Variants in CARM1 observed in about 807,000 individuals in gnomAD.
CARM1 encodes histone-arginine methyltransferase CARM1.
In CARM1, 14 loss-of-function variants were observed where a neutral mutation model predicts 72.7. The ratio of observed to expected loss-of-function variants is 0.19; its 90% CI spans 0.13 to 0.30. The LOEUF (loss-of-function observed/expected upper bound fraction) is 0.30. CARM1 is among the 10% of genes least tolerant of loss of function. CARM1 has a pLI of 1.00. For synonymous variants in CARM1, 333 were observed against 345.5 expected (o/e 0.96, Z 0.40); for missense variants, 432 against 833.7 (o/e 0.52, Z 5.93).
rs538950276 is a variant in CARM1 at position 10,920,098 on chromosome 19, C to T, written c.1196+132C>T. ...TTCCAATGGGAGTGAGAGCCTGTCT[C>T]GGAGCAAGAGACTGTTGTGGGTGGG... On this transcript the variant is annotated intron_variant, in intron 10 of 15. Coordinates refer to ENST00000327064, the MANE Select transcript of CARM1 (RefSeq NM_199141.2). This position sits in a 1 kb window ranked among gnomAD's most constrained non-coding sequence, Gnocchi z 5.3. 17 of 732,554 alleles carry T rather than the reference C, an allele frequency of 2.3e-5. No individual in the cohort carries two copies. Among genetic ancestry groups the T allele is most frequent in the East Asian group, 1.3e-4 (5 of 37,622 alleles). 45.4% of individuals were successfully genotyped at this position (732,554 alleles called of 1,614,324 possible).
In CARM1 at chr19:10,920,014, C is replaced by A; in HGVS notation, c.1196+48C>A. On this transcript the variant is annotated intron_variant, in intron 10 of 15. Coordinates refer to ENST00000327064, the MANE Select transcript of CARM1 (RefSeq NM_199141.2). This position sits in a 1 kb window ranked among gnomAD's most constrained non-coding sequence, Gnocchi z 5.3. ...TGCTGCCTCCTCCCCACTCCCAGGGCTTCCTGCAGCTGCAACCTGGCTGGG... is the reference window on the plus strand; with the variant it reads ...TGCTGCCTCCTCCCCACTCCCAGGGATTCCTGCAGCTGCAACCTGGCTGGG... The A allele has an allele frequency of 1.4e-6, 2 of 1,443,576 alleles. No homozygotes were observed. Among genetic ancestry groups the A allele is most frequent in the Non-Finnish European group, 1.9e-6 (2 of 1,028,782 alleles). 89.4% of individuals were successfully genotyped at this position (1,443,576 alleles called of 1,614,324 possible).
chr19:10,913,820 G>A, intron 5 of CARM1, 57 bp from the exon 6 acceptor site: 1 of 1,562,770 alleles, frequency 6.4e-7, no homozygotes, highest in Non-Finnish European at 8.7e-7. Flanking sequence ...GCAGGTCTAG[G>A]GAGGGCCCCA....
In CARM1 at chr19:10,912,134, C is replaced by A; in HGVS notation, c.559-50C>A. On this transcript the variant is annotated intron_variant, in intron 4 of 15. Coordinates refer to ENST00000327064, the MANE Select transcript of CARM1 (RefSeq NM_199141.2). The surrounding 1 kb of genome is among the most constrained non-coding windows in gnomAD (Gnocchi z 4.5). ...TCCCTTATGATCACTGTCACCTCCC[C>A]ATCACCGTCGCCTCCTATGTCTCGC... is the stretch of plus-strand genomic sequence containing the variant. 1 of 1,291,894 alleles carries A rather than the reference C, an allele frequency of 7.7e-7. No homozygotes were observed. The highest frequency in any genetic ancestry group is 1.1e-6 in the Non-Finnish European group (1 of 885,418). The allele number at this position is 1,291,894 out of a possible 1,614,324, so 80.0% of individuals were successfully genotyped here.
intron 1 of CARM1, among the ~76,000 whole-genome samples, chr19:10,873,929 C>G (rs967112172): frequency 2.6e-5 from 4 of 151,956 alleles, no homozygotes; most frequent in East Asian, 1.9e-4. Flanking sequence ...ATGAGCCACC[C>G]CGCCCGGCCA....
chr19:10,918,493 G>A (rs1312259715), intron 8 of CARM1, among the ~76,000 whole-genome samples: 1 of 152,206 alleles, frequency 6.6e-6, no homozygotes, highest in Non-Finnish European at 1.5e-5. Flanking sequence ...AAAGTGCTGG[G>A]ATTATAGGCA....
chr19:10,893,098 C>T (rs1001537928), intron 1 of CARM1, among the ~76,000 whole-genome samples: 4 of 151,500 alleles, frequency 2.6e-5, no homozygotes, highest in Non-Finnish European at 5.9e-5. Flanking sequence ...CTCTTTTTGC[C>T]CAGGTTGGAG....
chr19:10,880,778 A>T (rs1184090992), intron 1 of CARM1, among the ~76,000 whole-genome samples: 2 of 152,176 alleles, frequency 1.3e-5, no homozygotes, highest in East Asian at 3.9e-4. Flanking sequence ...GTGACTGTGG[A>T]TGAGCCTCTG....
At position 10,922,038 on chromosome 19, in the gene CARM1, GTCATC is replaced by G. The variant is rs1386802176; in HGVS notation, c.*283_*287del. 1 of 274,128 alleles carries G rather than the reference GTCATC, an allele frequency of 3.6e-6. No homozygotes were observed. Among genetic ancestry groups the G allele is most frequent in the Non-Finnish European group, 6.8e-6 (1 of 146,194 alleles). 17.0% of individuals were successfully genotyped at this position (274,128 alleles called of 1,614,324 possible). ...GCCCGCTCTACCCTGACCTGGGCTT[GTCATC>G]TGCTGGAACAGGCGCCATGGGGCCT... On this transcript the variant is annotated 3_prime_UTR_variant, in exon 16 of 16. Transcript: ENST00000327064.
intron 1 of CARM1, among the ~76,000 whole-genome samples, chr19:10,889,361 C>T (rs28395321): frequency 6.6e-6 from 1 of 151,394 alleles, no homozygotes; most frequent in African/African-American, 2.4e-5. Flanking sequence ...GTCACCCAGG[C>T]TGGAGTGCAA....
chr19:10,898,820 G>T (rs1568351064), intron 1 of CARM1, among the ~76,000 whole-genome samples: 1 of 152,180 alleles, frequency 6.6e-6, no homozygotes, highest in Non-Finnish European at 1.5e-5. Flanking sequence ...GTGTGCGATG[G>T]CCCACTGGAC....
intron 1 of CARM1, among the ~76,000 whole-genome samples, chr19:10,880,343 ATT>A: frequency 6.6e-6 from 1 of 150,846 alleles, no homozygotes; most frequent in South Asian, 2.1e-4. Flanking sequence ...CAGAGCTAGG[ATT>A]TTTTTTTCTT....
At chr19:10,885,876 G>A (rs1373542047) in intron 1 of CARM1, among the ~76,000 whole-genome samples, 1 of 147,686 alleles carries the variant, frequency 6.8e-6, no homozygotes, top group African/African-American at 2.5e-5. Flanking sequence ...AGCAGCCACA[G>A]CTCACTCCCT....
rs140301962 is a variant in CARM1 at position 10,915,987 on chromosome 19, C to T, written c.848-420C>T. On this transcript the variant is annotated intron_variant, in intron 6 of 15. Coordinates refer to ENST00000327064, the MANE Select transcript of CARM1 (RefSeq NM_199141.2). The surrounding 1 kb of genome is among the most constrained non-coding windows in gnomAD (Gnocchi z 4.6). ...GGTCCCCAGCGGCGTTGGGGTAGCC[C>T]GGGGCCCACCACCCTCCCTCTGTCC... is the stretch of plus-strand genomic sequence containing the variant. Among the ~76,000 whole-genome samples the T allele has an allele frequency of 4.8e-3, 737 of 152,294 alleles. 4 individuals are homozygous for T. The highest frequency in any genetic ancestry group is 7.7e-3 in the Non-Finnish European group (524 of 68,010).
intron 1 of CARM1, among the ~76,000 whole-genome samples, chr19:10,874,721 A>T (rs2073849906): frequency 6.6e-6 from 1 of 152,142 alleles, no homozygotes; most frequent in African/African-American, 2.4e-5. Flanking sequence ...TGATATGGAG[A>T]TAAAAAACAT....
intron 6 of CARM1, 117 bp downstream of exon 6, chr19:10,914,171 G>T (rs565901419): frequency 9.3e-7 from 1 of 1,079,752 alleles, no homozygotes; most frequent in Non-Finnish European, 1.3e-6. Flanking sequence ...GTGTAGGGAA[G>T]CCTGGGCTTT....
intron 3 of CARM1, among the ~76,000 whole-genome samples, 189 bp downstream of exon 3, chr19:10,908,334 G>A (rs559835798): frequency 5.3e-5 from 8 of 152,328 alleles, no homozygotes; most frequent in Non-Finnish European, 1.2e-4. Context: ...CTGTGAAGCG[G>A]AGATGCAGGT....
intron 2 of CARM1, among the ~76,000 whole-genome samples, chr19:10,906,051 G>T (rs1418673290): frequency 6.7e-6 from 1 of 149,982 alleles, no homozygotes; most frequent in Admixed American, 6.7e-5. Flanking sequence ...CGGGTTCAAG[G>T]CGATTCTTAT....
Position 10,920,653 on chromosome 19 carries a change from C to A in CARM1, c.1335-6C>A. On this transcript the variant is annotated splice_region_variant and splice_polypyrimidine_tract_variant and intron_variant, in intron 11 of 15. Coordinates refer to ENST00000327064, the MANE Select transcript of CARM1 (RefSeq NM_199141.2). The surrounding 1 kb of genome is among the most constrained non-coding windows in gnomAD (Gnocchi z 5.3). Reference sequence around the variant, plus strand: ...GCTCATGCCACGGCCTGCACCCTGTCCGCAGACAGAGCTACGACATCAGTA... The same window carrying A: ...GCTCATGCCACGGCCTGCACCCTGTACGCAGACAGAGCTACGACATCAGTA... 1 of 1,614,152 alleles carries A rather than the reference C, an allele frequency of 6.2e-7. No individual in the cohort carries two copies. Among genetic ancestry groups the A allele is most frequent in the Non-Finnish European group, 8.5e-7 (1 of 1,179,996 alleles).
rs934087761 is a variant in CARM1, at chr19:10,915,704, G to C, written c.848-703G>C. The stretch of plus-strand genomic sequence containing the variant: ...AGGATCTCCTCCCCCAGCTTGCAAG[G>C]CTGGGGGGCCCACATCTGGAGGCCA... On this transcript the variant is annotated intron_variant, in intron 6 of 15. Transcript: ENST00000327064. This position sits in a 1 kb window ranked among gnomAD's most constrained non-coding sequence, Gnocchi z 4.6. Among the ~76,000 whole-genome samples the C allele has an allele frequency of 1.3e-5, 2 of 152,144 alleles. No homozygotes were observed. The highest frequency in any genetic ancestry group is 2.9e-5 in the Non-Finnish European group (2 of 68,002).
Sources: gnomAD v4.1 joint callset for allele counts (sites outside exome capture counted in the v4.1 genomes callset) on GRCh38, gnomAD v4.1.1 for gene constraint, Gnocchi (gnomAD v3.1) non-coding constraint, MANE v1.5 for transcripts, NCBI Gene and HGNC (gene_info 2026-07-23, HGNC 2026-07-21) for gene names.